TMEM116: variants seen among roughly 807,000 people sequenced by gnomAD.
TMEM116 encodes the protein transmembrane protein 116.
Under a neutral mutation model 44.3 loss-of-function variants are expected in TMEM116, and 38 were observed. The ratio of observed to expected loss-of-function variants is 0.86; its 90% CI spans 0.66 to 1.12. The LOEUF is 1.12. TMEM116 is among the 50% of genes most tolerant of loss of function. The probability of loss-of-function intolerance (pLI) is 0.00; values close to 1 mark genes in which losing one functional copy is unlikely to be tolerated. For missense variants in TMEM116, 354 were observed against 401.7 expected, an observed-to-expected ratio of 0.88 and a Z score of 1.01; for synonymous variants, 132 against 144.8, an observed-to-expected ratio of 0.91 and a Z score of 0.64.
Position 111,931,811 on chromosome 12 carries a change from G to C in TMEM116, c.824C>G (p.Ser275Cys), listed in dbSNP as rs752155513. 2 of 1,530,562 alleles carry C rather than the reference G, an allele frequency of 1.3e-6. No individual in the cohort carries two copies. The highest frequency in any genetic ancestry group is 4.7e-5 in the East Asian group (2 of 42,500). 94.8% of individuals were successfully genotyped at this position (1,530,562 alleles called of 1,614,324 possible). The change falls in exon 11 of 11, where the codon TCT becomes TGT. Residue 275 changes from serine to cysteine, a missense_variant. Physicochemically the swap from Ser to Cys is moderately radical, Grantham distance 112 (BLOSUM62 -1). Coordinates refer to ENST00000552374, the MANE Select transcript of TMEM116 (RefSeq NM_001193531.2). Reference protein sequence around the residue: ...LYVLQALTATSQGLLNCGVYG... With the variant: ...LYVLQALTATCQGLLNCGVYG... Reference sequence around the variant, plus strand: ...TACTCCACAGTTGAGTAGACCCTGAGATGTTGCCGTTAGAGCCTGGAGGAG... The same window carrying C: ...TACTCCACAGTTGAGTAGACCCTGACATGTTGCCGTTAGAGCCTGGAGGAG...
chr12:111,963,795 C>T (rs572487638), intron 4 of TMEM116, among the ~76,000 whole-genome samples: 7 of 151,908 alleles, frequency 4.6e-5, no homozygotes, highest in South Asian at 4.2e-4. Flanking sequence ...TGCACACATA[C>T]GCCAGAACTT....
At position 111,971,179 on chromosome 12, in the gene TMEM116, T is replaced by C. The variant is rs368092024; in HGVS notation, c.210+20579A>G. 2.6e-5 allele frequency among the ~76,000 whole-genome samples: 4 copies of C among 152,282 alleles called. No homozygotes were observed. The South Asian group carries it at 8.3e-4, about 32-fold the overall frequency. ...GGGTGACATTTAGGCAGATGAAATA[T>C]AATATTGATTGGAAATCAGGGATCT... On this transcript the variant is annotated intron_variant, in intron 4 of 10. Coordinates refer to ENST00000552374, the MANE Select transcript of TMEM116 (RefSeq NM_001193531.2).
intron 4 of TMEM116, among the ~76,000 whole-genome samples, chr12:111,970,883 T>C (rs536181813): frequency 3.7e-4 from 56 of 152,172 alleles, no homozygotes; most frequent in African/African-American, 1.2e-3. Flanking sequence ...TGAGCCACCA[T>C]GCCCAGCCCA....
rs1035273982 is a variant in TMEM116 at position 111,996,058 on chromosome 12, A to C, written c.79-4169T>G. Among the ~76,000 whole-genome samples the C allele has an allele frequency of 5.3e-5, 8 of 151,766 alleles. No homozygotes were observed. The South Asian group carries it at 1.2e-3, about 24-fold the overall frequency. ...CTGTCTCAAAAAAAAAAAAAAAAAA[A>C]AAAATCTATTCCAAGTAGTTTAAAG... is the stretch of plus-strand genomic sequence containing the variant. On this transcript the variant is annotated intron_variant, in intron 3 of 10. Transcript: ENST00000552374.
intron 4 of TMEM116, among the ~76,000 whole-genome samples, chr12:111,967,119 C>T (rs1802860375): frequency 1.3e-5 from 2 of 152,126 alleles, no homozygotes; most frequent in Admixed American, 6.5e-5. Flanking sequence ...TTTTACAAAA[C>T]ATGTGTGCAG....
chr12:111,936,034 T>G (rs910386324), intron 8 of TMEM116: 4 of 152,150 alleles, frequency 2.6e-5, no homozygotes, highest in African/African-American at 9.7e-5. Context: ...ACACATTTGA[T>G]CTGCAGGTAG....
At chr12:112,007,593 G>C (rs2077652485) in intron 1 of TMEM116, among the ~76,000 whole-genome samples, 1 of 152,150 alleles carries the variant, frequency 6.6e-6, no homozygotes, top group African/African-American at 2.4e-5. Flanking sequence ...GAAATCCCCA[G>C]CATAACGTCT....
rs2071643840 is a variant in TMEM116 at position 111,931,642 on chromosome 12, G to A, written c.993C>T (p.Ala331=). The change falls in exon 11 of 11, where the codon GCC becomes GCT. Residue 331 remains alanine (A), a synonymous_variant. Coordinates refer to ENST00000552374, the MANE Select transcript of TMEM116 (RefSeq NM_001193531.2). The stretch of plus-strand genomic sequence containing the variant: ...AGTTTCAAAAAATGGTAGAAGTACT[G>A]GCAGGAAAAGTCAGGGTGGATTCCA... ...NSLESTLTFP[A]STSTIF is the part of the protein sequence containing the mutation. 2 of 1,614,166 alleles carry A rather than the reference G, an allele frequency of 1.2e-6. No individual in the cohort carries two copies. Among genetic ancestry groups the A allele is most frequent in the Non-Finnish European group, 1.7e-6 (2 of 1,180,014 alleles).
intron 4 of TMEM116, among the ~76,000 whole-genome samples, chr12:111,967,298 T>C (rs926199695): frequency 2.0e-5 from 3 of 152,170 alleles, no homozygotes; most frequent in Non-Finnish European, 4.4e-5. Context: ...TAGTACTTTC[T>C]TTACCATTGC....
chr12:111,956,231 G>T (rs1490609739), intron 4 of TMEM116, among the ~76,000 whole-genome samples: 3 of 152,084 alleles, frequency 2.0e-5, no homozygotes, highest in Non-Finnish European at 2.9e-5. Context: ...CTCAATAACT[G>T]CAGCCACATA....
intron 4 of TMEM116, among the ~76,000 whole-genome samples, chr12:111,987,068 T>C (rs551321511): frequency 1.3e-5 from 2 of 152,280 alleles, no homozygotes; most frequent in South Asian, 4.1e-4. Context: ...ATAAAACTTA[T>C]GTGCATCAAA....
At chr12:111,950,203 G>C (rs1381533720) in intron 4 of TMEM116, among the ~76,000 whole-genome samples, 1 of 152,032 alleles carries the variant, frequency 6.6e-6, no homozygotes, top group Non-Finnish European at 1.5e-5. Context: ...CTTGTGCCCG[G>C]GGTATGGGCA....
rs189248757 is a variant in TMEM116, at chr12:111,983,484, C to T, written c.210+8274G>A. Among the ~76,000 whole-genome samples the T allele has an allele frequency of 3.1e-4, 47 of 151,608 alleles. 2 individuals are homozygous for T. The highest frequency in any genetic ancestry group is 2.9e-3 in the Admixed American group (44 of 15,210). ...AATTAGCTGGGCATGGTGGCATGCACTACGCGGGGGTCTGAGGTGGGAGGA... is the reference window on the plus strand; with the variant it reads ...AATTAGCTGGGCATGGTGGCATGCATTACGCGGGGGTCTGAGGTGGGAGGA... On this transcript the variant is annotated intron_variant, in intron 4 of 10. Transcript: ENST00000552374.
intron 1 of TMEM116, among the ~76,000 whole-genome samples, chr12:112,006,819 T>C (rs1382882300): frequency 1.3e-5 from 2 of 152,264 alleles, no homozygotes; most frequent in Non-Finnish European, 2.9e-5. Flanking sequence ...ATCTTTCATC[T>C]AGCCATAATT....
intron 4 of TMEM116, among the ~76,000 whole-genome samples, chr12:111,956,578 A>G (rs916775592): frequency 6.6e-6 from 1 of 152,106 alleles, no homozygotes; most frequent in Non-Finnish European, 1.5e-5. Flanking sequence ...AGGCTGGACT[A>G]TACTGCCGCC....
chr12:111,978,818 C>G, intron 4 of TMEM116: 1 of 429,348 alleles, frequency 2.3e-6, no homozygotes, highest in South Asian at 1.7e-5. Context: ...TTGTTTAAGT[C>G]ACACATTGTA....
chr12:111,953,673 A>C (rs1295210705), intron 4 of TMEM116, among the ~76,000 whole-genome samples: 1 of 152,224 alleles, frequency 6.6e-6, no homozygotes, highest in Non-Finnish European at 1.5e-5. Flanking sequence ...TTGTATCCAA[A>C]GATAACAATT....
chr12:111,972,068 C>A, intron 4 of TMEM116, among the ~76,000 whole-genome samples: 1 of 124,202 alleles, frequency 8.1e-6, no homozygotes, highest in African/African-American at 3.2e-5. Context: ...GAATGACACC[C>A]TATCTGTGAA....
At chr12:111,934,142 G>T in intron 8 of TMEM116, 112 bp from the exon 9 acceptor site, 1 of 1,217,168 alleles carries the variant, frequency 8.2e-7, no homozygotes, top group Non-Finnish European at 1.1e-6. Flanking sequence ...CAACAGGAAC[G>T]ACCCCATTCT....
Sources: allele counts gnomAD v4.1 joint callset (sites outside exome capture counted in the v4.1 genomes callset), GRCh38; gene constraint gnomAD v4.1.1; transcripts MANE v1.5; gene names NCBI Gene and HGNC (gene_info 2026-07-23, HGNC 2026-07-21).